STRN3: variants seen among roughly 807,000 people sequenced by gnomAD.
The protein encoded by STRN3 is striatin-3.
In STRN3, 29 loss-of-function variants were observed where a neutral mutation model predicts 95.6. That is an observed-to-expected ratio of 0.30 (90% CI 0.23 to 0.41). The LOEUF is 0.41. Ranked by LOEUF, STRN3 falls within the 10% of genes least tolerant of loss-of-function variation. The pLI is 1.00. For missense variants in STRN3, 890 were observed against 972.1 expected, an observed-to-expected ratio of 0.92 and a Z score of 1.12; for synonymous variants, 331 against 357.6, an observed-to-expected ratio of 0.93 and a Z score of 0.84.
intron 1 of STRN3, among the ~76,000 whole-genome samples, chr14:31,000,618 C>T (rs1882401501): frequency 1.3e-5 from 2 of 151,966 alleles, no homozygotes; most frequent in Non-Finnish European, 2.9e-5. Flanking sequence ...ATCTGATCTT[C>T]GGTAGTGAGG....
Position 30,947,688 on chromosome 14 carries a change from G to T in STRN3, c.543-425C>A, listed in dbSNP as rs114465915. 8.9e-3 allele frequency among the ~76,000 whole-genome samples: 1,347 copies of T among 152,142 alleles called. 19 individuals are homozygous for T. The highest frequency in any genetic ancestry group is 0.031 in the African/African-American group (1,297 of 41,500). ...GAGTAGAACTGCATCTTAGCACACAGACATACTAAGTTTAAACCTGGGGTT... is the reference window on the plus strand; with the variant it reads ...GAGTAGAACTGCATCTTAGCACACATACATACTAAGTTTAAACCTGGGGTT... On this transcript the variant is annotated intron_variant, in intron 4 of 17. Coordinates refer to ENST00000357479, the MANE Select transcript of STRN3 (RefSeq NM_001083893.2).
At chr14:30,902,457 T>C (rs1316852967) in intron 16 of STRN3, 79 bp downstream of exon 16, 10 of 964,904 alleles carry the variant, frequency 1.0e-5, no homozygotes, top group East Asian at 8.2e-5. Context: ...GAAAAGTCAA[T>C]ATATCTTACA....
chr14:31,012,479 T>C (rs1043441080), intron 1 of STRN3, among the ~76,000 whole-genome samples: 9 of 152,098 alleles, frequency 5.9e-5, no homozygotes, highest in African/African-American at 2.2e-4. Context: ...GCTCACACAT[T>C]TAAGAAAGAA....
intron 8 of STRN3, among the ~76,000 whole-genome samples, chr14:30,924,427 T>C (rs1358746604): frequency 6.6e-6 from 1 of 151,340 alleles, no homozygotes; most frequent in East Asian, 1.9e-4. Flanking sequence ...TAGCTGGGAC[T>C]ACAGGCATGA....
rs1896061948 is a variant in STRN3 at position 30,894,002 on chromosome 14, AACCTT to A, written c.*1404_*1408del. 2 of 152,744 alleles carry A rather than the reference AACCTT, an allele frequency of 1.3e-5. No homozygotes were observed. The highest frequency in any genetic ancestry group is 4.8e-5 in the African/African-American group (2 of 41,582). The allele number at this position is 152,744 out of a possible 1,614,324, so 9.5% of individuals were successfully genotyped here. A position where few individuals can be genotyped will look rare whatever the true frequency, so the allele number is the denominator to read the frequency against. On this transcript the variant is annotated 3_prime_UTR_variant, in exon 18 of 18. Coordinates refer to ENST00000357479, the MANE Select transcript of STRN3 (RefSeq NM_001083893.2). ...GCTGATTCATAGTTTGTAAAACAAAAACCTTACAAAACTCATCAAAACTCGCAAAC... is the reference window on the plus strand; with the variant it reads ...GCTGATTCATAGTTTGTAAAACAAAAACAAAACTCATCAAAACTCGCAAAC...
At chr14:30,909,403 G>A (rs1271189020) in intron 13 of STRN3, among the ~76,000 whole-genome samples, 1 of 152,242 alleles carries the variant, frequency 6.6e-6, no homozygotes, top group Admixed American at 6.5e-5. Flanking sequence ...CAGCCTGGGA[G>A]GCGGAGGTTG....
chr14:30,962,451 T>C (rs1422824349), intron 1 of STRN3, among the ~76,000 whole-genome samples: 2 of 152,186 alleles, frequency 1.3e-5, no homozygotes, highest in South Asian at 2.1e-4. Context: ...ACAAATTCAA[T>C]CACCACTCAC....
intron 3 of STRN3, among the ~76,000 whole-genome samples, chr14:30,954,917 A>G (rs1330119820): frequency 7.7e-6 from 1 of 130,698 alleles, no homozygotes; most frequent in African/African-American, 2.9e-5. Flanking sequence ...ATGAGTCAAG[A>G]AAAAAAAAAA....
At chr14:30,899,467 AT>A (rs1252963419) in intron 16 of STRN3, among the ~76,000 whole-genome samples, 1 of 152,188 alleles carries the variant, frequency 6.6e-6, no homozygotes, top group Non-Finnish European at 1.5e-5. Context: ...TTGTTCAAAT[AT>A]TTTTAGTGGT....
intron 1 of STRN3, among the ~76,000 whole-genome samples, chr14:30,962,596 C>T (rs78674670): frequency 0.096 from 14,627 of 152,172 alleles, 765 homozygotes; most frequent in South Asian, 0.16. Context: ...TGCAGTGGCA[C>T]GATCACAGTT....
rs1399768163 is a variant in STRN3 at position 30,948,299 on chromosome 14, T to C, written c.543-1036A>G. Among the ~76,000 whole-genome samples the C allele has an allele frequency of 3.3e-5, 5 of 152,296 alleles. No individual in the cohort carries two copies. In the East Asian group the frequency reaches 9.6e-4, roughly 29 times the overall value. ...TGACAATGTTTATTAGGCACATAGATGATACAAATCAAAAGCTCAGAAGAG... is the reference window on the plus strand; with the variant it reads ...TGACAATGTTTATTAGGCACATAGACGATACAAATCAAAAGCTCAGAAGAG... On this transcript the variant is annotated intron_variant, in intron 4 of 17. Coordinates refer to ENST00000357479, the MANE Select transcript of STRN3 (RefSeq NM_001083893.2).
intron 1 of STRN3, among the ~76,000 whole-genome samples, chr14:31,000,836 G>A (rs1395345082): frequency 7.8e-6 from 1 of 128,452 alleles, no homozygotes; most frequent in African/African-American, 2.6e-5. Context: ...ATAAACAGCC[G>A]ATGAAGAAAA....
Position 30,907,037 on chromosome 14 carries a change from A to G in STRN3, c.1728T>C (p.Asn576=). Residue 576 remains asparagine, a synonymous_variant, in exon 14 of 18, where the codon AAT becomes AAC. Transcript: ENST00000357479. The stretch of plus-strand genomic sequence containing the variant: ...GACCAACTAAAGTGCCAGCTAGAAC[A>G]TTTGGCTCTGGGGAAAAAACAAACA... ...SVDPYDTYEP[N]VLAGTLVGHT... 1.9e-6 allele frequency: 3 copies of G among 1,605,730 alleles called. No individual in the cohort carries two copies. Among genetic ancestry groups the G allele is most frequent in the Non-Finnish European group, 2.5e-6 (3 of 1,177,912 alleles).
intron 13 of STRN3, among the ~76,000 whole-genome samples, chr14:30,907,950 A>AT (rs1265425182): frequency 3.3e-5 from 5 of 152,150 alleles, no homozygotes; most frequent in Non-Finnish European, 7.4e-5. Context: ...TTCCTCATGA[A>AT]TGACTATGCC....
At chr14:30,962,008 T>C (rs573952325) in intron 1 of STRN3, among the ~76,000 whole-genome samples, 4 of 152,200 alleles carry the variant, frequency 2.6e-5, no homozygotes, top group Non-Finnish European at 5.9e-5. Flanking sequence ...GAAGATATTG[T>C]TGTCATGGAA....
At chr14:30,897,009 A>G (rs1896173331) in intron 16 of STRN3, among the ~76,000 whole-genome samples, 1 of 152,240 alleles carries the variant, frequency 6.6e-6, no homozygotes, top group Non-Finnish European at 1.5e-5. Context: ...TAGGCAGGCA[A>G]TAAAATATAA....
At chr14:31,007,380 A>G (rs943444561) in intron 1 of STRN3, among the ~76,000 whole-genome samples, 1 of 152,218 alleles carries the variant, frequency 6.6e-6, no homozygotes, top group African/African-American at 2.4e-5. Flanking sequence ...AAACCCTAAC[A>G]GTTGTAGAAT....
At chr14:30,957,032 C>G (rs1295996166) in intron 1 of STRN3, among the ~76,000 whole-genome samples, 1 of 152,136 alleles carries the variant, frequency 6.6e-6, no homozygotes, top group Non-Finnish European at 1.5e-5. Context: ...ATGGCAGGTG[C>G]CTGTAATCCC....
At chr14:30,902,171 CAAAAAAAAAAAAAAAAAAAA>C (rs71112350) in intron 16 of STRN3, among the ~76,000 whole-genome samples, 33 of 39,852 alleles carry the variant, frequency 8.3e-4, no homozygotes, top group African/African-American at 1.9e-3. Context: ...AACTCCGCCT[CAAAAAAAAAAAAAAAAAAAA>C]AAAAAAAAAA....
Sources: gnomAD v4.1 joint callset for allele counts (sites outside exome capture counted in the v4.1 genomes callset) on GRCh38, gnomAD v4.1.1 for gene constraint, MANE v1.5 for transcripts, NCBI Gene and HGNC (gene_info 2026-07-23, HGNC 2026-07-21) for gene names.